Variants in FAM120B observed in about 807,000 individuals in gnomAD.
The protein encoded by FAM120B is family with sequence similarity 120 member B.
In FAM120B, 83 loss-of-function variants were observed where a neutral mutation model predicts 96.3. That is an observed-to-expected ratio of 0.86 (90% CI 0.72 to 1.03). FAM120B has a LOEUF of 1.03. FAM120B is among the 50% of genes least tolerant of loss of function. The pLI is 0.00. For missense variants in FAM120B, 1,027 were observed against 1,121.2 expected (o/e 0.92, Z 1.20); for synonymous variants, 407 against 402.7 (o/e 1.01, Z -0.13).
chr6:170,393,919 C>T (rs563565738), intron 8 of FAM120B, among the ~76,000 whole-genome samples: 8 of 152,184 alleles, frequency 5.3e-5, no homozygotes, highest in Admixed American at 3.9e-4. Context: ...CCAAGCTACT[C>T]GGTGTGTTGG....
chr6:170,302,219 CA>C (rs1179583296), upstream of FAM120B, among the ~76,000 whole-genome samples: 2 of 152,198 alleles, frequency 1.3e-5, no homozygotes, highest in African/African-American at 4.8e-5. Flanking sequence ...AGTCCTTCTT[CA>C]CCTGGCAGCA....
Position 170,330,765 on chromosome 6 carries a change from C to T in FAM120B, c.2017+215C>T, listed in dbSNP as rs949120052. 71 of 545,208 alleles carry T rather than the reference C, an allele frequency of 1.3e-4. No homozygotes were observed. In the South Asian group the frequency reaches 1.3e-3, roughly 10 times the overall value. 33.8% of individuals were successfully genotyped at this position (545,208 alleles called of 1,614,324 possible). Reference sequence around the variant, plus strand: ...CAGGTTTACCCTGGACCATCTGCGGCGGTGCTCTGCCTCTTTCTCCATCCA... The same window carrying T: ...CAGGTTTACCCTGGACCATCTGCGGTGGTGCTCTGCCTCTTTCTCCATCCA... On this transcript the variant is annotated intron_variant, in intron 4 of 10. Transcript: ENST00000476287.
At chr6:170,320,511 TAATA>T (rs1321212109) in intron 2 of FAM120B, among the ~76,000 whole-genome samples, 15 of 152,190 alleles carry the variant, frequency 9.9e-5, no homozygotes, top group African/African-American at 2.9e-4. Flanking sequence ...GAAGTGAAAC[TAATA>T]AATAAGTCTT....
intron 4 of FAM120B, among the ~76,000 whole-genome samples, chr6:170,340,352 G>T (rs1175503533): frequency 6.6e-6 from 1 of 152,188 alleles, no homozygotes; most frequent in African/African-American, 2.4e-5. Flanking sequence ...GGTTATTTAT[G>T]TTCTTCTCTG....
At chr6:170,304,638 G>C (rs956196874), upstream of FAM120B, among the ~76,000 whole-genome samples, 2 of 152,064 alleles carry the variant, frequency 1.3e-5, no homozygotes, top group African/African-American at 4.8e-5. Flanking sequence ...TCCTTGCTCT[G>C]CCTGCCTTCA....
chr6:170,348,153 G>A lies in FAM120B; in HGVS notation c.2020G>A (p.Gly674Arg), dbSNP rs1420949541. The A allele has an allele frequency of 6.2e-7, 1 of 1,612,622 alleles. No individual in the cohort carries two copies. The highest frequency in any genetic ancestry group is 8.5e-7 in the Non-Finnish European group (1 of 1,179,342). Reference sequence around the variant, plus strand: ...AATGGACTTTTTTTCTTAACTAGGGGGAACGCCTAGTTTGAAAATATTATG... The same window carrying A: ...AATGGACTTTTTTTCTTAACTAGGGAGAACGCCTAGTTTGAAAATATTATG... The part of the protein sequence containing the change: ...VRPLQMTIPG[G>R]TPSLKILWLN... Residue 674 changes from glycine (G) to arginine (R), a missense_variant and splice_region_variant, in exon 5 of 11, where the codon GGA becomes AGA. Transcript: ENST00000476287.
chr6:170,347,711 T>A (rs1787284446), intron 4 of FAM120B, among the ~76,000 whole-genome samples: 1 of 152,160 alleles, frequency 6.6e-6, no homozygotes. Context: ...TTACAATCTC[T>A]GCAGTTGATT....
At chr6:170,312,015 A>G (rs1471450068) in intron 1 of FAM120B, among the ~76,000 whole-genome samples, 1 of 152,240 alleles carries the variant, frequency 6.6e-6, no homozygotes, top group African/African-American at 2.4e-5. Context: ...GGTGTTCTCC[A>G]GCAGAGTTAA....
intron 5 of FAM120B, among the ~76,000 whole-genome samples, 167 bp from the exon 6 acceptor site, chr6:170,358,059 T>A (rs1788079039): frequency 1.3e-5 from 2 of 152,148 alleles, no homozygotes; most frequent in African/African-American, 4.8e-5. Flanking sequence ...TGTGTGCACC[T>A]CTGTGTGCTT....
At chr6:170,321,114 G>A (rs547790223) in intron 2 of FAM120B, among the ~76,000 whole-genome samples, 19 of 152,304 alleles carry the variant, frequency 1.2e-4, no homozygotes, top group Non-Finnish European at 1.9e-4. Context: ...GTGGTGGGTC[G>A]AGAGTTGTTC....
Position 170,388,131 on chromosome 6 carries a change from T to TGGTGAAGCTCAGCTTTGAG in FAM120B, c.2284-154_2284-136dup, listed in dbSNP as rs1790294717. Among the ~76,000 whole-genome samples, 7 of 152,228 alleles carry TGGTGAAGCTCAGCTTTGAG rather than the reference T, an allele frequency of 4.6e-5. No individual in the cohort carries two copies. In the South Asian group the frequency reaches 1.4e-3, roughly 32 times the overall value. The stretch of plus-strand genomic sequence containing the variant: ...CCAAGGCCTCTGTAATCAGTAGAGC[T>TGGTGAAGCTCAGCTTTGAG]GGTGAAGCTCAGCTTTGAGGATGCA... On this transcript the variant is annotated intron_variant, in intron 6 of 10. Transcript: ENST00000476287.
chr6:170,332,705 A>T (rs1236429729), intron 4 of FAM120B, among the ~76,000 whole-genome samples: 1 of 152,086 alleles, frequency 6.6e-6, no homozygotes, highest in African/African-American at 2.4e-5. Context: ...TCTCAAAAAA[A>T]AAAAGTGAGA....
At chr6:170,359,832 A>G (rs1014375682) in intron 6 of FAM120B, among the ~76,000 whole-genome samples, 7 of 152,308 alleles carry the variant, frequency 4.6e-5, no homozygotes, top group African/African-American at 1.4e-4. Context: ...TGTATTAGAA[A>G]TTTCATAGCA....
At chr6:170,398,885 A>AGC (rs1204941120) in intron 9 of FAM120B, among the ~76,000 whole-genome samples, 2 of 151,064 alleles carry the variant, frequency 1.3e-5, no homozygotes, top group Admixed American at 1.3e-4. Flanking sequence ...CTATGTCATA[A>AGC]CTTAGGAGTG....
intron 2 of FAM120B, among the ~76,000 whole-genome samples, chr6:170,319,989 G>T (rs1470890368): frequency 3.3e-5 from 5 of 152,198 alleles, no homozygotes; most frequent in African/African-American, 1.2e-4. Context: ...TACGTGTGAG[G>T]TTCTGTGCTA....
At chr6:170,387,265 A>G (rs1371515165) in intron 6 of FAM120B, among the ~76,000 whole-genome samples, 1 of 152,228 alleles carries the variant, frequency 6.6e-6, no homozygotes, top group Non-Finnish European at 1.5e-5. Flanking sequence ...AGTTCATGAT[A>G]CGTTTCTTAC....
intron 4 of FAM120B, among the ~76,000 whole-genome samples, chr6:170,340,853 G>A (rs1454468299): frequency 6.6e-6 from 1 of 152,214 alleles, no homozygotes. Context: ...GCTCCTTCCT[G>A]TGGAAGCTTC....
intron 4 of FAM120B, among the ~76,000 whole-genome samples, chr6:170,346,057 GA>G (rs1315361706): frequency 6.6e-6 from 1 of 152,196 alleles, no homozygotes; most frequent in Non-Finnish European, 1.5e-5. Flanking sequence ...CCTAAACATA[GA>G]AAAGGTAGAG....
chr6:170,319,723 A>G (rs776525074), intron 2 of FAM120B, among the ~76,000 whole-genome samples: 15 of 152,228 alleles, frequency 9.9e-5, no homozygotes, highest in Non-Finnish European at 1.6e-4. Flanking sequence ...CCAGACCTTA[A>G]TGGGGCAGCC....
Sources: gnomAD v4.1 joint callset for allele counts (sites outside exome capture counted in the v4.1 genomes callset) on GRCh38, gnomAD v4.1.1 for gene constraint, MANE v1.5 for transcripts, NCBI Gene and HGNC (gene_info 2026-07-23, HGNC 2026-07-21) for gene names.